The following HNRNPC variants were observed in gnomAD, a reference collection of about 807,000 sequenced individuals.
HNRNPC encodes the protein heterogeneous nuclear ribonucleoproteins C1/C2.
A neutral mutation model predicts 33.2 loss-of-function variants in HNRNPC; 3 were observed. The ratio of observed to expected loss-of-function variants is 0.09; its 90% CI spans 0.04 to 0.23. The LOEUF (loss-of-function observed/expected upper bound fraction) is 0.23. Ranked by LOEUF, HNRNPC falls within the 10% of genes least tolerant of loss-of-function variation. HNRNPC has a pLI of 1.00. For missense variants in HNRNPC, 143 were observed against 366.7 expected (o/e 0.39, Z 4.98); for synonymous variants, 121 against 126.7 (o/e 0.96, Z 0.30).
chr14:21,252,191 G>A (rs920922543), intron 2 of HNRNPC, among the ~76,000 whole-genome samples: 1 of 152,018 alleles, frequency 6.6e-6, no homozygotes. Flanking sequence ...GTTAGCAAAA[G>A]AACAAATAAA....
Position 21,244,002 on chromosome 14 carries a change from T to C in HNRNPC, c.-36-9773A>G, listed in dbSNP as rs769878282. On this transcript the variant is annotated intron_variant, in intron 2 of 8. Coordinates refer to ENST00000553300, the MANE Select transcript of HNRNPC (RefSeq NM_004500.4). ...CTGATGACATAAGTAAATGAGTAAA[T>C]ACTATTTTTATCTGCATATTTCCTC... Among the ~76,000 whole-genome samples, 22 of 151,944 alleles carry C rather than the reference T, an allele frequency of 1.4e-4. 1 individual carries two copies. Among genetic ancestry groups the C allele is most frequent in the South Asian group, 4.2e-4 (2 of 4,818 alleles).
rs1418761501 is a variant in HNRNPC at position 21,228,454 on chromosome 14, C to T, written c.365+1865G>A. ...TCACCCAGGCTGGAGTGCAGTGGCG[C>T]GATCTCAACTCACTGAAACCTCCAC... is the stretch of plus-strand genomic sequence containing the variant. On this transcript the variant is annotated intron_variant, in intron 5 of 8. Transcript: ENST00000553300. Among the ~76,000 whole-genome samples, 7 of 152,212 alleles carry T rather than the reference C, an allele frequency of 4.6e-5. No individual in the cohort carries two copies. The East Asian group carries it at 5.8e-4, about 13-fold the overall frequency.
rs201927057 is a variant in HNRNPC at position 21,223,378 on chromosome 14, T to C, written c.365+6941A>G. On this transcript the variant is annotated intron_variant, in intron 5 of 8. Transcript: ENST00000553300. ...CAAATGCCTCTCCTACAAAGAAATATCTCCCACCTACTAAACGAGTCTAGG... is the reference window on the plus strand; with the variant it reads ...CAAATGCCTCTCCTACAAAGAAATACCTCCCACCTACTAAACGAGTCTAGG... Among the ~76,000 whole-genome samples the C allele has an allele frequency of 5.4e-3, 816 of 152,108 alleles. 10 individuals are homozygous for C. The highest frequency in any genetic ancestry group is 0.019 in the African/African-American group (787 of 41,462).
At chr14:21,267,944 A>C (rs1879293662) in intron 1 of HNRNPC, among the ~76,000 whole-genome samples, 1 of 152,194 alleles carries the variant, frequency 6.6e-6, no homozygotes, top group South Asian at 2.1e-4. Context: ...ATACATGTTT[A>C]AGCCTTAAGA....
intron 3 of HNRNPC, 81 bp from the exon 4 acceptor site, chr14:21,231,153 G>A: frequency 7.2e-7 from 1 of 1,397,874 alleles, no homozygotes; most frequent in Non-Finnish European, 1.0e-6. Flanking sequence ...TTTTATTTTT[G>A]AGACATAGTT....
intron 2 of HNRNPC, among the ~76,000 whole-genome samples, chr14:21,254,976 A>G (rs1250636149): frequency 2.0e-5 from 3 of 152,106 alleles, no homozygotes; most frequent in Admixed American, 6.5e-5. Flanking sequence ...CAGCATAGCC[A>G]TAACTCTAGC....
intron 2 of HNRNPC, among the ~76,000 whole-genome samples, chr14:21,258,778 T>C (rs1014588117): frequency 6.6e-6 from 1 of 152,196 alleles, no homozygotes; most frequent in Non-Finnish European, 1.5e-5. Flanking sequence ...TCTCAACCTA[T>C]CTTACTCAGA....
intron 5 of HNRNPC, among the ~76,000 whole-genome samples, chr14:21,229,165 C>T (rs1423159577): frequency 6.6e-6 from 1 of 150,752 alleles, no homozygotes; most frequent in African/African-American, 2.4e-5. Flanking sequence ...CCAAGACGGA[C>T]GGATCATGAG....
intron 2 of HNRNPC, among the ~76,000 whole-genome samples, chr14:21,247,820 CAAAA>C (rs1216770970): frequency 1.3e-5 from 1 of 76,754 alleles, no homozygotes; most frequent in African/African-American, 4.6e-5. Context: ...ACTAAAAATA[CAAAA>C]AAAAAAAAAA....
At chr14:21,237,711 G>A (rs969224097) in intron 2 of HNRNPC, among the ~76,000 whole-genome samples, 9 of 152,274 alleles carry the variant, frequency 5.9e-5, no homozygotes, top group Non-Finnish European at 1.3e-4. Context: ...GTAACAGGTT[G>A]CCAGCATCCT....
chr14:21,245,240 A>G (rs1337513250), intron 2 of HNRNPC, among the ~76,000 whole-genome samples: 1 of 152,166 alleles, frequency 6.6e-6, no homozygotes, highest in Non-Finnish European at 1.5e-5. Context: ...TCACGCCTGT[A>G]ATCCCAGTAC....
chr14:21,238,650 T>C (rs530544131), intron 2 of HNRNPC, among the ~76,000 whole-genome samples: 1 of 152,302 alleles, frequency 6.6e-6, no homozygotes, highest in South Asian at 2.1e-4. Flanking sequence ...CTCAAATATT[T>C]TGAGGTCAAT....
At chr14:21,223,833 TG>T (rs1185541580) in intron 5 of HNRNPC, among the ~76,000 whole-genome samples, 1 of 152,152 alleles carries the variant, frequency 6.6e-6, no homozygotes, top group Non-Finnish European at 1.5e-5. Flanking sequence ...AAAATCCTTC[TG>T]GCACCTATAT....
intron 2 of HNRNPC, among the ~76,000 whole-genome samples, chr14:21,251,137 T>G (rs1896611611): frequency 6.6e-6 from 1 of 151,528 alleles, no homozygotes; most frequent in Non-Finnish European, 1.5e-5. Context: ...GGAGGGCGCC[T>G]GTAGTCCTGG....
chr14:21,234,480 A>AC (rs1335144179), intron 2 of HNRNPC, among the ~76,000 whole-genome samples: 1 of 152,130 alleles, frequency 6.6e-6, no homozygotes, highest in Non-Finnish European at 1.5e-5. Flanking sequence ...CTCAGGAAAA[A>AC]AAAATTCTCC....
intron 5 of HNRNPC, among the ~76,000 whole-genome samples, chr14:21,224,322 C>A (rs190048167): frequency 1.3e-5 from 2 of 152,242 alleles, no homozygotes; most frequent in Non-Finnish European, 1.5e-5. Context: ...TCAATGGTTT[C>A]ATTTCAACTA....
At chr14:21,218,754 C>T (rs1268621532) in intron 5 of HNRNPC, among the ~76,000 whole-genome samples, 1 of 145,712 alleles carries the variant, frequency 6.9e-6, no homozygotes, top group East Asian at 2.1e-4. Context: ...AATCCCAGCA[C>T]TTTGGAAGGC....
chr14:21,267,745 C>A (rs1296202053), intron 1 of HNRNPC, among the ~76,000 whole-genome samples: 1 of 152,056 alleles, frequency 6.6e-6, no homozygotes, highest in African/African-American at 2.4e-5. Context: ...CGGAAGGAAC[C>A]CATTTTCGAA....
chr14:21,218,681 C>CAAAAAAAAA lies in HNRNPC; in HGVS notation c.366-5573_366-5565dup, dbSNP rs71112557. 3.4e-3 allele frequency among the ~76,000 whole-genome samples: 176 copies of CAAAAAAAAA among 51,248 alleles called. 26 individuals are homozygous for CAAAAAAAAA. Among genetic ancestry groups the CAAAAAAAAA allele is most frequent in the Non-Finnish European group, 3.6e-3 (115 of 31,534 alleles). 33.6% of individuals were successfully genotyped at this position (51,248 alleles called of 152,430 possible). On this transcript the variant is annotated intron_variant, in intron 5 of 8. Coordinates refer to ENST00000553300, the MANE Select transcript of HNRNPC (RefSeq NM_004500.4). Reference sequence around the variant, plus strand: ...TGGGAGACAAAGCGAAACTCTCTCTCAAAAAAAAAAAAAAAAAAAAAAAAA... The same window carrying CAAAAAAAAA: ...TGGGAGACAAAGCGAAACTCTCTCTCAAAAAAAAAAAAAAAAAAAAAAAAAAAAAAAAAA...
Sources: allele counts gnomAD v4.1 joint callset (sites outside exome capture counted in the v4.1 genomes callset), GRCh38; gene constraint gnomAD v4.1.1; transcripts MANE v1.5; gene names NCBI Gene and HGNC (gene_info 2026-07-23, HGNC 2026-07-21).